Variants in OGDHL observed in about 807,000 individuals in gnomAD.
OGDHL encodes the protein oxoglutarate dehydrogenase L.
In OGDHL, 79 loss-of-function variants were observed where a neutral mutation model predicts 109.6. The observed-to-expected ratio is 0.72, with a 90% CI of 0.60 to 0.87. OGDHL has a LOEUF of 0.87. OGDHL is among the 40% of genes least tolerant of loss of function. The probability of loss-of-function intolerance (pLI) is 0.00; values close to 1 mark genes in which losing one functional copy is unlikely to be tolerated. For missense variants in OGDHL, 1,275 were observed against 1,362.2 expected (o/e 0.94, Z 1.01); for synonymous variants, 528 against 537.2 (o/e 0.98, Z 0.24).
intron 8 of OGDHL, 79 bp from the exon 9 acceptor site, chr10:49,747,287 C>T: frequency 6.7e-7 from 1 of 1,491,742 alleles, no homozygotes. Flanking sequence ...CACTGCAGCC[C>T]ACAGTCAGGC....
intron 3 of OGDHL, among the ~76,000 whole-genome samples, chr10:49,753,305 T>C (rs1263307594): frequency 6.6e-6 from 1 of 152,126 alleles, no homozygotes; most frequent in African/African-American, 2.4e-5. Context: ...AATTATCCTC[T>C]AGGGGAGGGG....
At position 49,758,378 on chromosome 10, in the gene OGDHL, G is replaced by T. The variant is rs759112998; in HGVS notation, c.204+11C>A. 1.6e-5 allele frequency: 26 copies of T among 1,601,604 alleles called. No homozygotes were observed. The highest frequency in any genetic ancestry group is 2.2e-5 in the Non-Finnish European group (26 of 1,172,274). ...CCTTGCGGTGGCCCAGGGTAGGGTGGGGATGCTGACCTTGTGGACACTCTG... is the reference window on the plus strand; with the variant it reads ...CCTTGCGGTGGCCCAGGGTAGGGTGTGGATGCTGACCTTGTGGACACTCTG... On this transcript the variant is annotated intron_variant, in intron 2 of 22. Transcript: ENST00000374103.
At chr10:49,745,628 C>T (rs1041299462) in intron 11 of OGDHL, 132 bp from the exon 12 acceptor site, 48 of 1,323,632 alleles carry the variant, frequency 3.6e-5, no homozygotes, top group Non-Finnish European at 4.9e-5. Flanking sequence ...CACCTATCAC[C>T]GAATGAATGT....
rs11101223 is a variant in OGDHL at position 49,735,099 on chromosome 10, T to A, written c.*129A>T. 1.0e-5 allele frequency: 12 copies of A among 1,181,870 alleles called. No individual in the cohort carries two copies. The highest frequency in any genetic ancestry group is 1.4e-5 in the Non-Finnish European group (12 of 838,900). 73.2% of individuals were successfully genotyped at this position (1,181,870 alleles called of 1,614,324 possible). A position where few individuals can be genotyped will look rare whatever the true frequency, so the allele number is the denominator to read the frequency against. On this transcript the variant is annotated 3_prime_UTR_variant, in exon 23 of 23. Coordinates refer to ENST00000374103, the MANE Select transcript of OGDHL (RefSeq NM_018245.3). The stretch of plus-strand genomic sequence containing the variant: ...CCAGCAGTGCTGGCTCTTGGCCCTG[T>A]CACTGTGTCTGTTTTATCCTGGGGC...
intron 15 of OGDHL, among the ~76,000 whole-genome samples, chr10:49,742,062 C>CCA (rs1841731830): frequency 8.9e-6 from 1 of 112,740 alleles, no homozygotes; most frequent in Non-Finnish European, 1.8e-5. Flanking sequence ...GCACACCACA[C>CCA]TACACACCAC....
intron 14 of OGDHL, 72 bp from the exon 15 acceptor site, chr10:49,743,050 A>G: frequency 6.4e-7 from 1 of 1,552,572 alleles, no homozygotes; most frequent in Non-Finnish European, 8.7e-7. Context: ...GGTGCTCAGC[A>G]CACACCCCGC....
chr10:49,736,180 G>C lies in OGDHL; in HGVS notation c.2755-3C>G. 6.3e-7 allele frequency: 1 copy of C among 1,584,320 alleles called. No homozygotes were observed. Among genetic ancestry groups the C allele is most frequent in the Non-Finnish European group, 8.6e-7 (1 of 1,165,140 alleles). ...AGGTCGAAGGGGAATGGAGAGATCT[G>C]GGGAGGCAGAAACAAAGGAGCATAG... On this transcript the variant is annotated splice_region_variant and splice_polypyrimidine_tract_variant and intron_variant, in intron 21 of 22. Coordinates refer to ENST00000374103, the MANE Select transcript of OGDHL (RefSeq NM_018245.3).
rs772819905 is a variant in OGDHL, at chr10:49,751,846, G to A, written c.730C>T (p.Arg244Trp). 4.0e-5 allele frequency: 64 copies of A among 1,613,964 alleles called. No individual in the cohort carries two copies. The Middle Eastern group carries it at 5.0e-4, about 13-fold the overall frequency. Residue 244 changes from arginine (R) to tryptophan (W), a missense_variant, in exon 6 of 23, where the codon CGG becomes TGG. Transcript: ENST00000374103. ...GCCAACCTCATGGAGCGCACTAGCC[G>A]GGCCAGCAGGGTCCGCTTCTCCTCG... ...SSEEKRTLLA[R>W]LVRSMRFEDF...
At chr10:49,746,577 G>A (rs1017147675) in intron 10 of OGDHL, among the ~76,000 whole-genome samples, 173 bp downstream of exon 10, 1 of 152,162 alleles carries the variant, frequency 6.6e-6, no homozygotes, top group Non-Finnish European at 1.5e-5. Context: ...TCCCTATTGT[G>A]TCTTCCAATT....
rs565852428 is a variant in OGDHL at position 49,762,282 on chromosome 10, T to G, written c.-45A>C. 1.3e-5 allele frequency: 2 copies of G among 152,094 alleles called. No individual in the cohort carries two copies. The highest frequency in any genetic ancestry group is 4.8e-5 in the African/African-American group (2 of 41,430). The allele number at this position is 152,094 out of a possible 1,614,324, so 9.4% of individuals were successfully genotyped here. A position where few individuals can be genotyped will look rare whatever the true frequency, so the allele number is the denominator to read the frequency against. ...CCGCGCTGCAGCGAGGTCCGGAGGCTGCAGGTCAGGGGGCTGCGCGGAAGG... is the reference window on the plus strand; with the variant it reads ...CCGCGCTGCAGCGAGGTCCGGAGGCGGCAGGTCAGGGGGCTGCGCGGAAGG... On this transcript the variant is annotated 5_prime_UTR_variant, in exon 1 of 23. Transcript: ENST00000374103.
At chr10:49,752,401 G>A (rs1029483956) in intron 4 of OGDHL, among the ~76,000 whole-genome samples, 153 bp from the exon 5 acceptor site, 1 of 152,218 alleles carries the variant, frequency 6.6e-6, no homozygotes, top group Non-Finnish European at 1.5e-5. Context: ...AGTGAGCCCA[G>A]GGAGGCAGGG....
chr10:49,756,242 C>T (rs1349127127), intron 3 of OGDHL, among the ~76,000 whole-genome samples: 1 of 152,214 alleles, frequency 6.6e-6, no homozygotes, highest in Non-Finnish European at 1.5e-5. Context: ...TTAGTCCTGT[C>T]TGGTCAAGAC....
rs1465107751 is a variant in OGDHL, at chr10:49,745,391, C to T, written c.1582G>A (p.Ala528Thr). The change falls in exon 12 of 23, where the codon GCA (alanine) becomes ACA (threonine). Residue 528 changes from alanine (A) to threonine (T), a missense_variant. Ala to Thr is a moderately conservative substitution (Grantham distance 58, BLOSUM62 0). Coordinates refer to ENST00000374103, the MANE Select transcript of OGDHL (RefSeq NM_018245.3). The stretch of plus-strand genomic sequence containing the variant: ...GTGCCCTCGGCAATCAGCTTGTCTG[C>T]GTACTTCTTCAGCACAGGCACCTGT... ...HRQVPVLKKY[A>T]DKLIAEGTVT... 6.2e-7 allele frequency: 1 copy of T among 1,614,142 alleles called. No individual in the cohort carries two copies. Among genetic ancestry groups the T allele is most frequent in the Non-Finnish European group, 8.5e-7 (1 of 1,180,042 alleles).
intron 3 of OGDHL, among the ~76,000 whole-genome samples, chr10:49,753,331 G>A (rs1229732206): frequency 6.6e-6 from 1 of 152,210 alleles, no homozygotes; most frequent in Admixed American, 6.5e-5. Context: ...ATAGGATAGA[G>A]AGGCAGGGCT....
rs3750756 is a variant in OGDHL, at chr10:49,740,855, G to A, written c.2013-18C>T. 4.6e-5 allele frequency: 74 copies of A among 1,613,384 alleles called. No homozygotes were observed. In the East Asian group the frequency reaches 1.2e-3, roughly 26 times the overall value. On this transcript the variant is annotated intron_variant, in intron 15 of 22. Coordinates refer to ENST00000374103, the MANE Select transcript of OGDHL (RefSeq NM_018245.3). ...GCCGGTGACTGCAGAGACACAGACCGGGGCAGGGACAGAGGGCAGGTGGGC... is the reference window on the plus strand; with the variant it reads ...GCCGGTGACTGCAGAGACACAGACCAGGGCAGGGACAGAGGGCAGGTGGGC...
At position 49,735,120 on chromosome 10, in the gene OGDHL, G is replaced by T; in HGVS notation, c.*108C>A. 1 of 1,472,280 alleles carries T rather than the reference G, an allele frequency of 6.8e-7. No homozygotes were observed. 91.2% of individuals were successfully genotyped at this position (1,472,280 alleles called of 1,614,324 possible). ...CCTGTCACTGTGTCTGTTTTATCCTGGGGCCCCACAGCCCCTCTCCTGGGC... is the reference window on the plus strand; with the variant it reads ...CCTGTCACTGTGTCTGTTTTATCCTTGGGCCCCACAGCCCCTCTCCTGGGC... On this transcript the variant is annotated 3_prime_UTR_variant, in exon 23 of 23. Transcript: ENST00000374103.
intron 13 of OGDHL, among the ~76,000 whole-genome samples, chr10:49,744,393 TCCAGTGC>T (rs1260363684): frequency 1.3e-5 from 2 of 151,828 alleles, no homozygotes; most frequent in African/African-American, 4.8e-5. Flanking sequence ...GCCCCAAGCA[TCCAGTGC>T]CCAGGGCTTC....
chr10:49,758,458 AC>A lies in OGDHL; in HGVS notation c.134del (p.Gly45ValfsTer76). The A allele has an allele frequency of 6.2e-7, 1 of 1,613,822 alleles. No homozygotes were observed. Among genetic ancestry groups the A allele is most frequent in the Non-Finnish European group, 8.5e-7 (1 of 1,180,008 alleles). ...GPPATFPSSK[G>X]GGGSSYMEEM... ...CCTCCATGTAACTGGAGCCGCCTCC[AC>A]CTTTGCTGCTTGGGAAGGTGGCCGG... On this transcript the variant is annotated frameshift_variant, in exon 2 of 23. Transcript: ENST00000374103. LOFTEE classifies it high-confidence loss of function.
rs1842105114 is a variant in OGDHL at position 49,745,442 on chromosome 10, G to T, written c.1531C>A (p.Pro511Thr). 13 of 1,614,144 alleles carry T rather than the reference G, an allele frequency of 8.1e-6. No individual in the cohort carries two copies. The highest frequency in any genetic ancestry group is 1.1e-5 in the Non-Finnish European group (13 of 1,180,038). ...CTGTGGATCTGCTTGTACATGAGCG[G>T]CTGGGTGAACATGGGCTCGTCCATC... is the stretch of plus-strand genomic sequence containing the variant. ...NEMDEPMFTQ[P>T]LMYKQIHRQV... is the part of the protein sequence containing the mutation. Residue 511 changes from proline to threonine, a missense_variant, in exon 12 of 23, where the codon CCG becomes ACG. Physicochemically the swap from Pro to Thr is conservative, Grantham distance 38 (BLOSUM62 -1). Transcript: ENST00000374103.
Sources: allele counts gnomAD v4.1 joint callset (sites outside exome capture counted in the v4.1 genomes callset), GRCh38; gene constraint gnomAD v4.1.1; transcripts MANE v1.5; gene names NCBI Gene and HGNC (gene_info 2026-07-23, HGNC 2026-07-21).